The following AHRR variants were observed in gnomAD, a reference collection of about 807,000 sequenced individuals.
The protein encoded by AHRR is aryl hydrocarbon receptor repressor.
AHRR carries 28 observed loss-of-function variants against 44.0 expected under a neutral mutation model. That is an observed-to-expected ratio of 0.64 (90% CI 0.47 to 0.87). The LOEUF is 0.87. Among genes scored for constraint, AHRR ranks in the 40% least tolerant of loss-of-function variants. AHRR has a pLI of 0.00. For missense variants in AHRR, 990 were observed against 953.9 expected (o/e 1.04, Z -0.50); for synonymous variants, 434 against 407.0 (o/e 1.07, Z -0.80).
intron 8 of AHRR, among the ~76,000 whole-genome samples, chr5:428,876 A>G (rs1411044062): frequency 6.6e-6 from 1 of 152,192 alleles, no homozygotes; most frequent in Non-Finnish European, 1.5e-5. Flanking sequence ...CAGGGTTCAC[A>G]GTCCTGTGAG....
Position 405,957 on chromosome 5 carries a change from G to T in AHRR, c.352-7387G>T, listed in dbSNP as rs1735237948. Among the ~76,000 whole-genome samples, 1 of 152,154 alleles carries T rather than the reference G, an allele frequency of 6.6e-6. No homozygotes were observed. Among genetic ancestry groups the T allele is most frequent in the Non-Finnish European group, 1.5e-5 (1 of 68,028 alleles). On this transcript the variant is annotated intron_variant, in intron 4 of 10. Transcript: ENST00000684583. This position sits in a 1 kb window ranked among gnomAD's most constrained non-coding sequence, Gnocchi z 4.5. ...GTCCAGGGAAGAACACGCAGCCTCT[G>T]GTTTGAACTGGACCCTGGGTAGCAG...
At chr5:333,846 A>G (rs981031330) in intron 1 of AHRR, among the ~76,000 whole-genome samples, 1 of 152,130 alleles carries the variant, frequency 6.6e-6, no homozygotes, top group African/African-American at 2.4e-5. Context: ...GTGTGTTTCC[A>G]TAATGGTGAA....
chr5:359,361 G>A (rs1419578682), intron 3 of AHRR, among the ~76,000 whole-genome samples: 1 of 104,076 alleles, frequency 9.6e-6, no homozygotes, highest in Non-Finnish European at 2.4e-5. Flanking sequence ...AGTCCACCCG[G>A]GCAGTCAGCG....
chr5:376,926 T>TTG (rs1733734259), intron 4 of AHRR, among the ~76,000 whole-genome samples: 1 of 152,166 alleles, frequency 6.6e-6, no homozygotes, highest in African/African-American at 2.4e-5. Context: ...GGTGTGAGCC[T>TTG]CGTAGGCTGG....
intron 1 of AHRR, among the ~76,000 whole-genome samples, chr5:340,677 TATATATA>T (rs1364055624): frequency 6.9e-4 from 20 of 29,054 alleles, no homozygotes; most frequent in Non-Finnish European, 1.0e-3. Context: ...TATATATATA[TATATATA>T]TATATTTTTT....
chr5:410,063 C>T (rs1735412170), intron 4 of AHRR, among the ~76,000 whole-genome samples: 1 of 152,214 alleles, frequency 6.6e-6, no homozygotes, highest in Non-Finnish European at 1.5e-5. Flanking sequence ...TGAGGGTCAG[C>T]TTGTCTATCC....
At chr5:386,397 G>C (rs1021613107) in intron 4 of AHRR, among the ~76,000 whole-genome samples, 5 of 152,256 alleles carry the variant, frequency 3.3e-5, no homozygotes, top group African/African-American at 9.6e-5. Context: ...AGCAGGTCTT[G>C]AGGTGGGGAG....
At chr5:374,413 T>G (rs1313596917) in intron 3 of AHRR, among the ~76,000 whole-genome samples, 2 of 152,242 alleles carry the variant, frequency 1.3e-5, no homozygotes, top group Admixed American at 6.5e-5. Flanking sequence ...GTGTGAACTG[T>G]GGCGTCTCTG....
At chr5:402,967 A>G (rs1735079779) in intron 4 of AHRR, among the ~76,000 whole-genome samples, 1 of 133,766 alleles carries the variant, frequency 7.5e-6, no homozygotes, top group Non-Finnish European at 1.8e-5. Flanking sequence ...GATCTCACTC[A>G]TATGTGGAAT....
rs1360161319 is a variant in AHRR, at chr5:436,523, G to A, written c.*1689G>A. 6.6e-6 allele frequency: 1 copy of A among 152,388 alleles called. No homozygotes were observed. The highest frequency in any genetic ancestry group is 1.5e-5 in the Non-Finnish European group (1 of 68,086). 9.4% of individuals were successfully genotyped at this position (152,388 alleles called of 1,614,324 possible). A position where few individuals can be genotyped will look rare whatever the true frequency, so the allele number is the denominator to read the frequency against. On this transcript the variant is annotated 3_prime_UTR_variant, in exon 11 of 11. Transcript: ENST00000684583. Reference sequence around the variant, plus strand: ...GTTTGCCCCCATGTGGCAGGGATAGGGATAAGGATCTCCTCTCAGTACTGG... The same window carrying A: ...GTTTGCCCCCATGTGGCAGGGATAGAGATAAGGATCTCCTCTCAGTACTGG...
chr5:393,659 A>G (rs934261003), intron 4 of AHRR, among the ~76,000 whole-genome samples: 1 of 151,112 alleles, frequency 6.6e-6, no homozygotes, highest in Non-Finnish European at 1.5e-5. Flanking sequence ...TTTTTTTGAG[A>G]CAGAGTCTCA....
chr5:374,114 C>T (rs980190598), intron 3 of AHRR, among the ~76,000 whole-genome samples: 4 of 152,130 alleles, frequency 2.6e-5, no homozygotes, highest in African/African-American at 9.7e-5. Context: ...CTGCACCGGC[C>T]GCCTGGGTGG....
chr5:433,783 A>G, intron 10 of AHRR, 70 bp from the exon 11 acceptor site: 1 of 1,408,786 alleles, frequency 7.1e-7, no homozygotes, highest in Non-Finnish European at 9.3e-7. Flanking sequence ...TCCCTTAGAG[A>G]CCCCCACCCA....
intron 3 of AHRR, among the ~76,000 whole-genome samples, chr5:373,123 T>G (rs550949637): frequency 2.2e-4 from 33 of 152,308 alleles, no homozygotes; most frequent in Admixed American, 1.9e-3. Flanking sequence ...CCAAGGTGGC[T>G]GAGGTTCTGC....
intron 3 of AHRR, among the ~76,000 whole-genome samples, chr5:361,025 G>A (rs1276305877): frequency 1.3e-5 from 2 of 152,126 alleles, no homozygotes; most frequent in East Asian, 3.8e-4. Context: ...GCTGAGGCGG[G>A]TGATCACAAG....
intron 7 of AHRR, among the ~76,000 whole-genome samples, chr5:426,135 A>G (rs1258215804): frequency 1.3e-5 from 2 of 152,254 alleles, no homozygotes; most frequent in Non-Finnish European, 2.9e-5. Flanking sequence ...GCTGCCTTGA[A>G]TCCCCACCAA....
Position 383,576 on chromosome 5 carries a change from T to A in AHRR, c.351+6860T>A, listed in dbSNP as rs79500975. Among the ~76,000 whole-genome samples the A allele has an allele frequency of 3.3e-5, 5 of 151,750 alleles. No individual in the cohort carries two copies. The highest frequency in any genetic ancestry group is 6.6e-5 in the Admixed American group (1 of 15,238). On this transcript the variant is annotated intron_variant, in intron 4 of 10. Coordinates refer to ENST00000684583, the MANE Select transcript of AHRR (RefSeq NM_001377236.1). This position sits in a 1 kb window ranked among gnomAD's most constrained non-coding sequence, Gnocchi z 4.0. ...CAGCTTTCTTTTCTTTTTTTTTTTT[T>A]AATACAGACAGGGTCTTGCTCTGTC...
chr5:407,603 G>A (rs924953241), intron 4 of AHRR, among the ~76,000 whole-genome samples: 4 of 152,060 alleles, frequency 2.6e-5, no homozygotes, highest in Non-Finnish European at 4.4e-5. Flanking sequence ...GTAATGTCAC[G>A]ATCTCAGCTC....
In AHRR at chr5:434,702, G is replaced by C. The variant is rs1736920780; in HGVS notation, c.1962G>C (p.Val654=). The C allele has an allele frequency of 1.3e-6, 2 of 1,573,212 alleles. No homozygotes were observed. The highest frequency in any genetic ancestry group is 2.3e-5 in the South Asian group (2 of 85,862). Reference sequence around the variant, plus strand: ...GCAGAGCTGCTGAGGCCGCCCCTGTGGTCAAGCGGGAGCCCTTGGACTCAC... The same window carrying C: ...GCAGAGCTGCTGAGGCCGCCCCTGTCGTCAAGCGGGAGCCCTTGGACTCAC... ...CTCRAAEAAP[V]VKREPLDSPQ... is the part of the protein sequence containing the mutation. Residue 654 remains valine (V), a synonymous_variant, in exon 11 of 11, where the codon GTG becomes GTC. Transcript: ENST00000684583.
Sources: allele counts gnomAD v4.1 joint callset (sites outside exome capture counted in the v4.1 genomes callset), GRCh38; gene constraint gnomAD v4.1.1; non-coding constraint Gnocchi (gnomAD v3.1); transcripts MANE v1.5; gene names NCBI Gene and HGNC (gene_info 2026-07-23, HGNC 2026-07-21).